TPRG1: variants seen among roughly 807,000 people sequenced by gnomAD.
TPRG1 encodes the protein tumor protein p63 regulated 1, also known as tumor protein p63-regulated gene 1 protein.
Under a neutral mutation model 29.3 loss-of-function variants are expected in TPRG1, and 29 were observed. That is an observed-to-expected ratio of 0.99 (90% confidence interval 0.74 to 1.35). TPRG1 has a LOEUF of 1.35. Among genes scored for constraint, TPRG1 ranks in the 40% most tolerant of loss-of-function variants. The pLI is 0.00. For synonymous variants in TPRG1, 130 were observed against 116.8 expected (o/e 1.11, Z -0.73); for missense variants, 327 against 335.0 (o/e 0.98, Z 0.19).
At chr3:189,009,752 G>T (rs1191390512) in intron 3 of TPRG1, among the ~76,000 whole-genome samples, 1 of 150,972 alleles carries the variant, frequency 6.6e-6, no homozygotes, top group Non-Finnish European at 1.5e-5. Context: ...ACTCTCAGGT[G>T]GTCGACACCC....
intron 1 of TPRG1, among the ~76,000 whole-genome samples, chr3:189,117,218 A>T (rs1298470353): frequency 6.6e-6 from 1 of 152,204 alleles, no homozygotes; most frequent in Non-Finnish European, 1.5e-5. Flanking sequence ...AAAAGAAGGT[A>T]AGCATATATA....
upstream of TPRG1, among the ~76,000 whole-genome samples, chr3:189,171,560 T>C (rs1478049472): frequency 6.6e-6 from 1 of 152,250 alleles, no homozygotes; most frequent in East Asian, 1.9e-4. Flanking sequence ...TACATGTGTT[T>C]GTTTTCAGAG....
chr3:189,268,055 A>G (rs971098084), intron 4 of TPRG1, among the ~76,000 whole-genome samples: 1 of 152,320 alleles, frequency 6.6e-6, no homozygotes, highest in Non-Finnish European at 1.5e-5. Context: ...TTGGAATTCA[A>G]TGGAGGGAAG....
chr3:189,116,643 G>T (rs1721212259), intron 1 of TPRG1, among the ~76,000 whole-genome samples: 1 of 152,136 alleles, frequency 6.6e-6, no homozygotes, highest in African/African-American at 2.4e-5. Context: ...GCTATGACTT[G>T]CATGAACATT....
At chr3:189,080,437 G>A (rs1389664220) in intron 4 of TPRG1, among the ~76,000 whole-genome samples, 1 of 152,156 alleles carries the variant, frequency 6.6e-6, no homozygotes, top group Non-Finnish European at 1.5e-5. Flanking sequence ...AATAGGAAAA[G>A]TAAAATACTG....
chr3:188,999,797 C>T (rs1172474290), intron 1 of TPRG1, among the ~76,000 whole-genome samples: 1 of 151,804 alleles, frequency 6.6e-6, no homozygotes, highest in African/African-American at 2.4e-5. Flanking sequence ...TTCTAATGGG[C>T]TTTATTAGCT....
At chr3:189,185,585 T>C (rs2108717617) in intron 1 of TPRG1, among the ~76,000 whole-genome samples, 1 of 151,906 alleles carries the variant, frequency 6.6e-6, no homozygotes, top group Admixed American at 6.6e-5. Flanking sequence ...TCCTAAGGAT[T>C]ATCTACGTGC....
At chr3:189,113,012 G>C (rs1720733990) in intron 1 of TPRG1, among the ~76,000 whole-genome samples, 1 of 152,130 alleles carries the variant, frequency 6.6e-6, no homozygotes, top group Non-Finnish European at 1.5e-5. Flanking sequence ...CCATGAGCAT[G>C]GAATGTTCTT....
chr3:189,305,460 A>G (rs1258181651), intron 4 of TPRG1, among the ~76,000 whole-genome samples: 2 of 152,190 alleles, frequency 1.3e-5, no homozygotes, highest in African/African-American at 4.8e-5. Flanking sequence ...TTTGTTTTTC[A>G]TGACTGTGTG....
At chr3:189,299,724 T>G (rs1279772659) in intron 4 of TPRG1, among the ~76,000 whole-genome samples, 1 of 151,878 alleles carries the variant, frequency 6.6e-6, no homozygotes, top group Non-Finnish European at 1.5e-5. Context: ...GCCATGAACA[T>G]GATTTAGACA....
intron 3 of TPRG1, chr3:189,217,882 C>T (rs1047013161): frequency 1.0e-6 from 1 of 985,132 alleles, no homozygotes; most frequent in South Asian, 4.7e-5. Context: ...TCTAGCACAC[C>T]AAGGCAGGGA....
intron 1 of TPRG1, among the ~76,000 whole-genome samples, chr3:189,199,409 C>T (rs1733088162): frequency 6.6e-6 from 1 of 152,178 alleles, no homozygotes; most frequent in Non-Finnish European, 1.5e-5. Flanking sequence ...TTTAGTCCAA[C>T]AGTTTTCAAA....
At chr3:189,083,160 C>A (rs1230850172) in intron 4 of TPRG1, among the ~76,000 whole-genome samples, 2 of 152,122 alleles carry the variant, frequency 1.3e-5, no homozygotes, top group Non-Finnish European at 1.5e-5. Flanking sequence ...AGCATAACCG[C>A]TGGGGCCCAG....
chr3:189,088,441 C>G (rs1396085362), intron 4 of TPRG1, among the ~76,000 whole-genome samples: 1 of 152,194 alleles, frequency 6.6e-6, no homozygotes, highest in Non-Finnish European at 1.5e-5. Flanking sequence ...ATCATGTCAT[C>G]TGCAAACAGG....
At chr3:189,144,845 C>T (rs913565758) in intron 3 of TPRG1, among the ~76,000 whole-genome samples, 2 of 152,168 alleles carry the variant, frequency 1.3e-5, no homozygotes, top group African/African-American at 2.4e-5. Context: ...GGACTTAACA[C>T]GACCTCTTGT....
chr3:189,012,393 G>T (rs573409724), intron 3 of TPRG1, among the ~76,000 whole-genome samples: 5 of 152,244 alleles, frequency 3.3e-5, no homozygotes, highest in Admixed American at 2.6e-4. Context: ...TAATCATGTG[G>T]TTTTTGTCTT....
intron 4 of TPRG1, among the ~76,000 whole-genome samples, chr3:189,068,619 A>AC (rs1299556928): frequency 6.6e-6 from 1 of 152,174 alleles, no homozygotes; most frequent in Non-Finnish European, 1.5e-5. Flanking sequence ...TACTAAAAAT[A>AC]TAAAAAATTA....
chr3:189,308,020 T>C (rs1055746644), intron 4 of TPRG1, among the ~76,000 whole-genome samples: 2 of 152,174 alleles, frequency 1.3e-5, no homozygotes, highest in African/African-American at 4.8e-5. Context: ...CTTATGGATG[T>C]TGTATGTCTG....
intron 1 of TPRG1, among the ~76,000 whole-genome samples, chr3:189,100,687 G>A (rs1719089269): frequency 2.6e-5 from 4 of 152,146 alleles, no homozygotes; most frequent in Admixed American, 2.6e-4. Context: ...AGAAAGCACA[G>A]ACCTTGGCTC....
Sources: allele counts gnomAD v4.1 joint callset (sites outside exome capture counted in the v4.1 genomes callset), GRCh38; gene constraint gnomAD v4.1.1; transcripts MANE v1.5; gene names NCBI Gene and HGNC (gene_info 2026-07-23, HGNC 2026-07-21).